Variants in GALNT13 observed in about 807,000 individuals in gnomAD.
GALNT13 encodes the protein UDP-GalNAc:polypeptide N-acetylgalactosaminyltransferase 13.
In GALNT13, 28 loss-of-function variants were observed where a neutral mutation model predicts 64.2. That is an observed-to-expected ratio of 0.44 (90% CI 0.32 to 0.60). The LOEUF (loss-of-function observed/expected upper bound fraction) is 0.60, where lower values mean the gene tolerates loss of function less well. Ranked by LOEUF, GALNT13 falls within the 20% of genes least tolerant of loss-of-function variation. GALNT13 has a pLI of 0.05. For missense variants in GALNT13, 577 were observed against 669.8 expected (o/e 0.86, Z 1.53); for synonymous variants, 214 against 224.6 (o/e 0.95, Z 0.42).
At chr2:154,113,298 T>C (rs2105496008) in intron 3 of GALNT13, among the ~76,000 whole-genome samples, 1 of 152,318 alleles carries the variant, frequency 6.6e-6, no homozygotes, top group African/African-American at 2.4e-5. Flanking sequence ...TGCTGGATGA[T>C]ATGGCCCAAG....
the GALNT13 span, among the ~76,000 whole-genome samples, chr2:153,434,841 C>A: frequency 6.6e-6 from 1 of 152,030 alleles, no homozygotes; most frequent in African/African-American, 2.4e-5. Flanking sequence ...TAATTAGATC[C>A]CATTTGTCAA....
At chr2:154,200,592 T>G (rs759079499) in intron 4 of GALNT13, among the ~76,000 whole-genome samples, 8 of 152,160 alleles carry the variant, frequency 5.3e-5, no homozygotes, top group Non-Finnish European at 8.8e-5. Flanking sequence ...GATGGCAGCT[T>G]GTTGCTGCAT....
At chr2:153,561,275 A>G in the GALNT13 span, among the ~76,000 whole-genome samples, 1 of 152,098 alleles carries the variant, frequency 6.6e-6, no homozygotes, top group East Asian at 1.9e-4. Context: ...ATATATAAAT[A>G]TACAGGTTGA....
chr2:153,414,212 A>G, the GALNT13 span, among the ~76,000 whole-genome samples: 11 of 151,838 alleles, frequency 7.2e-5, no homozygotes, highest in East Asian at 2.1e-3. Flanking sequence ...CGTCTCTACT[A>G]AAAAATACAA....
At chr2:153,519,495 CT>C in the GALNT13 span, among the ~76,000 whole-genome samples, 6 of 151,926 alleles carry the variant, frequency 3.9e-5, no homozygotes, top group East Asian at 1.9e-4. Context: ...GAAGCATTGT[CT>C]TTTTTTTCTT....
the GALNT13 span, among the ~76,000 whole-genome samples, chr2:153,623,581 C>A: frequency 6.6e-6 from 1 of 151,782 alleles, no homozygotes; most frequent in Non-Finnish European, 1.5e-5. Flanking sequence ...ATTTTTTAAG[C>A]TTTTAAAATA....
chr2:153,641,981 G>T, the GALNT13 span, among the ~76,000 whole-genome samples: 1 of 151,704 alleles, frequency 6.6e-6, no homozygotes, highest in African/African-American at 2.4e-5. Context: ...TTAGCATTTT[G>T]CTTCAATCAT....
At chr2:154,135,930 G>A (rs554310566) in intron 3 of GALNT13, among the ~76,000 whole-genome samples, 2 of 152,264 alleles carry the variant, frequency 1.3e-5, no homozygotes, top group East Asian at 3.9e-4. Context: ...GTGAGTGGAG[G>A]GTAAAGTGGT....
intron 3 of GALNT13, among the ~76,000 whole-genome samples, chr2:154,043,587 T>A (rs1699128694): frequency 6.6e-6 from 1 of 151,580 alleles, no homozygotes; most frequent in Non-Finnish European, 1.5e-5. Flanking sequence ...TTCATCAAAG[T>A]GAATTAAAAA....
At chr2:153,603,876 A>G in the GALNT13 span, among the ~76,000 whole-genome samples, 1 of 151,134 alleles carries the variant, frequency 6.6e-6, no homozygotes, top group African/African-American at 2.4e-5. Context: ...TATATTGAAA[A>G]CTCTGGCTAT....
At chr2:153,785,385 G>T in the GALNT13 span, among the ~76,000 whole-genome samples, 1 of 152,214 alleles carries the variant, frequency 6.6e-6, no homozygotes, top group Admixed American at 6.5e-5. Flanking sequence ...GGGGCAAGCT[G>T]CCATTTTTGC....
chr2:153,350,804 A>G, the GALNT13 span, among the ~76,000 whole-genome samples: 1 of 152,200 alleles, frequency 6.6e-6, no homozygotes, highest in East Asian at 1.9e-4. Flanking sequence ...GTTGATGTTA[A>G]TGATGACGAT....
At chr2:154,281,281 T>C (rs1174632706) in intron 8 of GALNT13, among the ~76,000 whole-genome samples, 8 of 152,338 alleles carry the variant, frequency 5.3e-5, no homozygotes, top group African/African-American at 1.9e-4. Context: ...TTACATTTTT[T>C]ATTTCTTGCC....
At chr2:153,595,447 T>C in the GALNT13 span, among the ~76,000 whole-genome samples, 1 of 151,940 alleles carries the variant, frequency 6.6e-6, no homozygotes, top group Non-Finnish European at 1.5e-5. Context: ...TTTTATGTTA[T>C]ATAAAAAACT....
At chr2:153,792,783 G>A in the GALNT13 span, among the ~76,000 whole-genome samples, 9 of 151,984 alleles carry the variant, frequency 5.9e-5, no homozygotes, top group African/African-American at 2.2e-4. Flanking sequence ...ATTCCTAGAA[G>A]AGAATAGGAA....
Position 154,318,746 on chromosome 2 carries a change from A to T in GALNT13, c.1156+17157A>T, listed in dbSNP as rs181305037. 4.6e-4 allele frequency among the ~76,000 whole-genome samples: 70 copies of T among 151,890 alleles called. No individual in the cohort carries two copies. The East Asian group carries it at 0.012, about 26-fold the overall frequency. On this transcript the variant is annotated intron_variant, in intron 9 of 12. Transcript: ENST00000392825. ...TTTCAAAAAAAAAAAAAAAATCGTTAGATTAAAATATGATCTGAAAAACAG... is the reference window on the plus strand; with the variant it reads ...TTTCAAAAAAAAAAAAAAAATCGTTTGATTAAAATATGATCTGAAAAACAG...
At chr2:153,756,928 A>G in the GALNT13 span, among the ~76,000 whole-genome samples, 1 of 152,088 alleles carries the variant, frequency 6.6e-6, no homozygotes, top group African/African-American at 2.4e-5. Context: ...TTCACCCACT[A>G]AACACTTGTG....
At chr2:153,189,620 G>A in the GALNT13 span, among the ~76,000 whole-genome samples, 2 of 152,222 alleles carry the variant, frequency 1.3e-5, no homozygotes, top group East Asian at 3.9e-4. Context: ...ATACCTGCCA[G>A]TGAAACTGCT....
the GALNT13 span, among the ~76,000 whole-genome samples, chr2:153,235,204 G>A: frequency 6.6e-6 from 1 of 152,098 alleles, no homozygotes; most frequent in Non-Finnish European, 1.5e-5. Context: ...ATTGAAATGA[G>A]GTCAATTAAT....
Sources: gnomAD v4.1 joint callset for allele counts (sites outside exome capture counted in the v4.1 genomes callset) on GRCh38, gnomAD v4.1.1 for gene constraint, MANE v1.5 for transcripts, NCBI Gene and HGNC (gene_info 2026-07-23, HGNC 2026-07-21) for gene names.